The following MYRIP variants were observed in gnomAD, a reference collection of about 807,000 sequenced individuals.
MYRIP encodes myosin VIIA and Rab interacting protein, also known as rab effector MyRIP.
Under a neutral mutation model 98.0 loss-of-function variants are expected in MYRIP, and 49 were observed. That is an observed-to-expected ratio of 0.50 (90% CI 0.40 to 0.63). MYRIP has a LOEUF of 0.63. Ranked by LOEUF, MYRIP falls within the 30% of genes least tolerant of loss-of-function variation. The pLI is 0.00. For synonymous variants in MYRIP, 404 were observed against 409.5 expected, an observed-to-expected ratio of 0.99 and a Z score of 0.16; for missense variants, 1,004 against 1,058.2, an observed-to-expected ratio of 0.95 and a Z score of 0.71.
At position 40,026,998 on chromosome 3, in the gene MYRIP, G is replaced by C. The variant is rs887504751; in HGVS notation, c.111-17052G>C. Among the ~76,000 whole-genome samples, 4 of 152,160 alleles carry C rather than the reference G, an allele frequency of 2.6e-5. No homozygotes were observed. The East Asian group carries it at 7.7e-4, about 29-fold the overall frequency. On this transcript the variant is annotated intron_variant, in intron 2 of 16. Coordinates refer to ENST00000302541, the MANE Select transcript of MYRIP (RefSeq NM_015460.4). ...CATCCATTCCCCTATGTGTAAAGAC[G>C]TTTATGATGATGACTTCCAAGCTCA...
chr3:40,246,555 C>T lies in MYRIP; in HGVS notation c.2262+1948C>T, dbSNP rs549399427. 7.2e-5 allele frequency among the ~76,000 whole-genome samples: 11 copies of T among 152,112 alleles called. 1 individual carries two copies. In the East Asian group the frequency reaches 2.1e-3, roughly 29 times the overall value. On this transcript the variant is annotated intron_variant, in intron 13 of 16. Transcript: ENST00000302541. ...TTGTCCTGTAACCCATGAAGATAAG[C>T]TATTAATTTACATTGTGAGGGTGAC...
chr3:39,979,487 A>C (rs1945832090), intron 2 of MYRIP, among the ~76,000 whole-genome samples: 1 of 152,040 alleles, frequency 6.6e-6, no homozygotes, highest in Admixed American at 6.6e-5. Flanking sequence ...AAAAGTACAA[A>C]ATGAGCTGGG....
chr3:40,238,565 A>C (rs1952892300), intron 12 of MYRIP: 1 of 152,242 alleles, frequency 6.6e-6, no homozygotes, highest in African/African-American at 2.4e-5. Context: ...GGGGAGAAAA[A>C]GAACATTTGG....
chr3:39,825,598 G>C (rs1021187279), intron 1 of MYRIP, among the ~76,000 whole-genome samples: 1 of 151,874 alleles, frequency 6.6e-6, no homozygotes, highest in East Asian at 1.9e-4. Flanking sequence ...TGTTTGTTAA[G>C]GATTTTTACA....
At chr3:40,104,982 A>G (rs1393285838) in intron 3 of MYRIP, among the ~76,000 whole-genome samples, 1 of 151,644 alleles carries the variant, frequency 6.6e-6, no homozygotes, top group Non-Finnish European at 1.5e-5. Context: ...CCCTAAAACC[A>G]TTTTTAACTG....
intron 2 of MYRIP, among the ~76,000 whole-genome samples, chr3:39,906,010 G>A (rs990077838): frequency 2.0e-5 from 3 of 152,048 alleles, no homozygotes; most frequent in African/African-American, 7.2e-5. Context: ...GCGTGCAGAG[G>A]TGGAAAGCAC....
At chr3:40,039,267 T>C (rs1947457285) in intron 2 of MYRIP, among the ~76,000 whole-genome samples, 1 of 152,140 alleles carries the variant, frequency 6.6e-6, no homozygotes, top group African/African-American at 2.4e-5. Flanking sequence ...ATCTATTCAA[T>C]AAAAGGTTAA....
chr3:40,039,555 A>G (rs1319223033), intron 2 of MYRIP, among the ~76,000 whole-genome samples: 5 of 152,084 alleles, frequency 3.3e-5, no homozygotes, highest in African/African-American at 1.2e-4. Flanking sequence ...TTTAAGAAAA[A>G]GAACAAAAGG....
chr3:40,015,920 C>T (rs957120111), intron 2 of MYRIP, among the ~76,000 whole-genome samples: 2 of 152,182 alleles, frequency 1.3e-5, no homozygotes, highest in Non-Finnish European at 2.9e-5. Context: ...CCCCACTTCA[C>T]TGAAACCACT....
chr3:39,855,545 A>G (rs1255313419), intron 1 of MYRIP, among the ~76,000 whole-genome samples: 1 of 151,832 alleles, frequency 6.6e-6, no homozygotes, highest in Admixed American at 6.6e-5. Context: ...TCTCAGGCCA[A>G]TGGGGTTATG....
At chr3:40,134,701 C>A (rs1046677433) in intron 3 of MYRIP, among the ~76,000 whole-genome samples, 2 of 152,208 alleles carry the variant, frequency 1.3e-5, no homozygotes, top group African/African-American at 4.8e-5. Context: ...GAGGAATGAT[C>A]AGGCAGCAGC....
chr3:39,811,231 A>C (rs1438563944), intron 1 of MYRIP, among the ~76,000 whole-genome samples: 1 of 152,118 alleles, frequency 6.6e-6, no homozygotes, highest in Non-Finnish European at 1.5e-5. Flanking sequence ...ATCAATACTT[A>C]GTTTTGTGAT....
At chr3:40,136,280 A>C (rs2125923222) in intron 3 of MYRIP, among the ~76,000 whole-genome samples, 1 of 152,336 alleles carries the variant, frequency 6.6e-6, no homozygotes, top group East Asian at 1.9e-4. Context: ...ATCAAAAGAG[A>C]CAAAGAAGGC....
intron 1 of MYRIP, among the ~76,000 whole-genome samples, chr3:39,898,273 A>T (rs1367933688): frequency 6.6e-6 from 1 of 152,136 alleles, no homozygotes; most frequent in Admixed American, 6.6e-5. Context: ...GAAAAATAAA[A>T]TTTTTTAAAA....
intron 5 of MYRIP, among the ~76,000 whole-genome samples, chr3:40,166,460 T>C (rs1454367556): frequency 6.6e-6 from 1 of 152,016 alleles, no homozygotes; most frequent in African/African-American, 2.4e-5. Flanking sequence ...TTTTGGATGA[T>C]GAAAGCAAGC....
intron 2 of MYRIP, among the ~76,000 whole-genome samples, chr3:39,946,009 CA>C (rs5848543): frequency 1.3e-5 from 2 of 149,350 alleles, no homozygotes; most frequent in East Asian, 3.9e-4. Context: ...AGGTAATGGC[CA>C]AAAAAAAAGT....
chr3:40,091,992 G>C (rs1948743898), intron 3 of MYRIP, among the ~76,000 whole-genome samples: 1 of 152,200 alleles, frequency 6.6e-6, no homozygotes, highest in Non-Finnish European at 1.5e-5. Context: ...AGACACATTA[G>C]AATACATTTC....
At chr3:40,079,057 T>G (rs1247398406) in intron 3 of MYRIP, among the ~76,000 whole-genome samples, 3 of 152,178 alleles carry the variant, frequency 2.0e-5, no homozygotes, top group Non-Finnish European at 4.4e-5. Flanking sequence ...AAGGACTAGA[T>G]TTCCTAATTT....
At chr3:39,945,067 C>T (rs1260201842) in intron 2 of MYRIP, among the ~76,000 whole-genome samples, 1 of 151,940 alleles carries the variant, frequency 6.6e-6, no homozygotes, top group African/African-American at 2.4e-5. Context: ...TGGTTGAGCC[C>T]TGTTTCACCC....
Sources: gnomAD v4.1 joint callset for allele counts (sites outside exome capture counted in the v4.1 genomes callset) on GRCh38, gnomAD v4.1.1 for gene constraint, MANE v1.5 for transcripts, NCBI Gene and HGNC (gene_info 2026-07-23, HGNC 2026-07-21) for gene names.